COL11A1: variants seen among roughly 807,000 people sequenced by gnomAD.
The protein encoded by COL11A1 is collagen alpha-1(XI) chain.
In COL11A1, 74 loss-of-function variants were observed where a neutral mutation model predicts 265.2. That is an observed-to-expected ratio of 0.28 (90% confidence interval 0.23 to 0.34). The LOEUF (loss-of-function observed/expected upper bound fraction) is 0.34. Ranked by LOEUF, COL11A1 falls within the 10% of genes least tolerant of loss-of-function variation. The pLI is 1.00. For missense variants in COL11A1, 2,165 were observed against 2,263.6 expected (o/e 0.96, Z 0.88); for synonymous variants, 816 against 727.6 (o/e 1.12, Z -1.96).
intron 1 of COL11A1, among the ~76,000 whole-genome samples, chr1:103,095,279 C>T (rs1019474712): frequency 6.6e-6 from 1 of 151,910 alleles, no homozygotes; most frequent in African/African-American, 2.4e-5. Context: ...TCTAATTTTA[C>T]ATTTTACATA....
intron 46 of COL11A1, among the ~76,000 whole-genome samples, chr1:102,924,757 T>C (rs1656398774): frequency 6.6e-6 from 1 of 152,112 alleles, no homozygotes; most frequent in Non-Finnish European, 1.5e-5. Flanking sequence ...TTCAGTTACA[T>C]AAAGTAGTGG....
intron 28 of COL11A1, among the ~76,000 whole-genome samples, chr1:102,994,487 C>T (rs78504529): frequency 0.038 from 5,737 of 152,172 alleles, 149 homozygotes; most frequent in Middle Eastern, 0.1. Context: ...ACTGGAAGCT[C>T]CCTGAGGCCT....
At position 102,884,137 on chromosome 1, in the gene COL11A1, G is replaced by T. The variant is rs528072121; in HGVS notation, c.4859-826C>A. 3.3e-5 allele frequency among the ~76,000 whole-genome samples: 5 copies of T among 152,084 alleles called. No homozygotes were observed. In the South Asian group the frequency reaches 1.0e-3, roughly 32 times the overall value. On this transcript the variant is annotated intron_variant, in intron 63 of 66. Transcript: ENST00000370096. ...AAAATGATACCCCAAAGTGAAAGCC[G>T]CTGAGGCAGTTTTTCTCTGACCTCT...
chr1:103,079,960 A>C (rs190417627), intron 2 of COL11A1, among the ~76,000 whole-genome samples: 38 of 152,050 alleles, frequency 2.5e-4, no homozygotes, highest in African/African-American at 7.5e-4. Flanking sequence ...ACTTCTAAGA[A>C]TGTATGGGGA....
chr1:102,972,713 T>G (rs1275575702), intron 36 of COL11A1, among the ~76,000 whole-genome samples: 3 of 152,104 alleles, frequency 2.0e-5, no homozygotes, highest in African/African-American at 7.2e-5. Context: ...TTCATCTAAA[T>G]GAGGGTATGC....
chr1:103,039,763 G>T (rs542741224), intron 4 of COL11A1, among the ~76,000 whole-genome samples: 4 of 151,472 alleles, frequency 2.6e-5, no homozygotes, highest in Admixed American at 6.6e-5. Flanking sequence ...TTATTCGTCT[G>T]AAGTTCTGTC....
chr1:103,011,779 G>A (rs1666151956), intron 14 of COL11A1, among the ~76,000 whole-genome samples: 1 of 152,020 alleles, frequency 6.6e-6, no homozygotes, highest in African/African-American at 2.4e-5. Flanking sequence ...ATCCTGGTTT[G>A]AATCCTGTGA....
chr1:103,051,405 T>A (rs1230785872), intron 4 of COL11A1, among the ~76,000 whole-genome samples: 2 of 152,186 alleles, frequency 1.3e-5, no homozygotes, highest in African/African-American at 2.4e-5. Flanking sequence ...CTCTGAGCCA[T>A]GTGCGGGATA....
chr1:103,066,555 C>CAAAA (rs35403453), intron 4 of COL11A1, among the ~76,000 whole-genome samples: 1 of 106,216 alleles, frequency 9.4e-6, no homozygotes, highest in African/African-American at 3.4e-5. Context: ...CCCTCAGCAC[C>CAAAA]AAAAAAAAAA....
chr1:103,039,607 ACT>A (rs1668652045), intron 4 of COL11A1, among the ~76,000 whole-genome samples: 1 of 151,194 alleles, frequency 6.6e-6, no homozygotes, highest in Non-Finnish European at 1.5e-5. Context: ...GAAGAAAACG[ACT>A]CTGTCAACAC....
At chr1:103,019,857 T>G (rs1666869262) in intron 9 of COL11A1, among the ~76,000 whole-genome samples, 1 of 150,898 alleles carries the variant, frequency 6.6e-6, no homozygotes, top group Non-Finnish European at 1.5e-5. Flanking sequence ...TTTGTTCTTG[T>G]GATAGTTTAC....
rs74108056 is a variant in COL11A1, at chr1:102,915,537, C to T, written c.3816+94G>A. The stretch of plus-strand genomic sequence containing the variant: ...TGAGTTGGGAAGGGAAAGTAAAATT[C>T]GAACCACAGCTAAGAGTTGTTACAT... On this transcript the variant is annotated intron_variant, in intron 50 of 66. Transcript: ENST00000370096. 2.4e-3 allele frequency: 2,561 copies of T among 1,083,354 alleles called. 48 individuals carry two copies. In the African/African-American group the frequency reaches 0.034, roughly 15 times the overall value. The allele number at this position is 1,083,354 out of a possible 1,614,324, so 67.1% of individuals were successfully genotyped here.
chr1:102,944,787 T>A (rs929175996), intron 42 of COL11A1, among the ~76,000 whole-genome samples: 12 of 152,210 alleles, frequency 7.9e-5, no homozygotes, highest in African/African-American at 2.9e-4. Flanking sequence ...TATTCTCAAT[T>A]TGTATACAAA....
chr1:102,976,030 T>C (rs933156948), intron 35 of COL11A1, among the ~76,000 whole-genome samples: 3 of 152,030 alleles, frequency 2.0e-5, no homozygotes, highest in African/African-American at 7.2e-5. Context: ...AATTTTAAAC[T>C]CTTATTAAAC....
intron 4 of COL11A1, among the ~76,000 whole-genome samples, chr1:103,031,610 A>G (rs1453643895): frequency 6.6e-6 from 1 of 152,152 alleles, no homozygotes; most frequent in Non-Finnish European, 1.5e-5. Flanking sequence ...CTGTGCATAT[A>G]TAAAGACAGT....
In COL11A1 at chr1:102,974,835, G is replaced by A. The variant is rs1244593543; in HGVS notation, c.2803C>T (p.Pro935Ser). Reference protein sequence around the residue: ...GPVGFPGPKGPPGPPGKDGLP... With the variant: ...GPVGFPGPKGSPGPPGKDGLP... The stretch of plus-strand genomic sequence containing the variant: ...AGAGAAGCTCTGACACTTACAGGAG[G>A]GCCTTTTGGTCCAGGGAATCCAACT... Residue 935 changes from proline (P) to serine (S), a missense_variant, in exon 36 of 67, where the codon CCT becomes TCT. Transcript: ENST00000370096. 1.2e-6 allele frequency: 2 copies of A among 1,612,626 alleles called. No homozygotes were observed. The highest frequency in any genetic ancestry group is 1.3e-5 in the African/African-American group (1 of 74,862).
In COL11A1 at chr1:102,962,612, A is replaced by G. The variant is rs758121133; in HGVS notation, c.3024+41T>C. 5.2e-6 allele frequency: 8 copies of G among 1,544,806 alleles called. No individual in the cohort carries two copies. The African/African-American group carries it at 5.4e-5, about 11-fold the overall frequency. ...GGGTGAGTATAGTTAAACATAAATTAAAGTTTTGGGCCAAAAAAAGTTTTC... is the reference window on the plus strand; with the variant it reads ...GGGTGAGTATAGTTAAACATAAATTGAAGTTTTGGGCCAAAAAAAGTTTTC... On this transcript the variant is annotated intron_variant, in intron 39 of 66. Coordinates refer to ENST00000370096, the MANE Select transcript of COL11A1 (RefSeq NM_001854.4).
intron 49 of COL11A1, among the ~76,000 whole-genome samples, chr1:102,919,695 A>G (rs940436358): frequency 7.9e-5 from 12 of 152,058 alleles, no homozygotes; most frequent in Non-Finnish European, 1.3e-4. Context: ...ACATTTTTAT[A>G]AAAGGAAGAG....
intron 2 of COL11A1, among the ~76,000 whole-genome samples, chr1:103,079,842 C>T (rs1015777970): frequency 6.6e-6 from 1 of 151,812 alleles, no homozygotes; most frequent in East Asian, 1.9e-4. Flanking sequence ...CTTTTTCAAT[C>T]CATTCATTCC....
Sources: gnomAD v4.1 joint callset for allele counts (sites outside exome capture counted in the v4.1 genomes callset) on GRCh38, gnomAD v4.1.1 for gene constraint, MANE v1.5 for transcripts, NCBI Gene and HGNC (gene_info 2026-07-23, HGNC 2026-07-21) for gene names.